The following CSMD1 variants were observed in gnomAD, a reference collection of about 807,000 sequenced individuals.
CSMD1 encodes the protein CUB and Sushi multiple domains 1.
CSMD1 carries 213 observed loss-of-function variants against 417.5 expected under a neutral mutation model. The ratio of observed to expected loss-of-function variants is 0.51; its 90% confidence interval spans 0.46 to 0.57. The LOEUF is 0.57. CSMD1 is among the 20% of genes least tolerant of loss of function. The pLI, the probability that CSMD1 is intolerant of heterozygous loss-of-function variation, is 0.00. For synonymous variants in CSMD1, 2,862 were observed against 1,736.8 expected (o/e 1.65, Z -16.11); for missense variants, 6,923 against 4,529.7 (o/e 1.53, Z -15.17).
intron 54 of CSMD1, among the ~76,000 whole-genome samples, chr8:2,985,919 G>A (rs1425437274): frequency 6.7e-6 from 1 of 148,378 alleles, no homozygotes; most frequent in East Asian, 2.0e-4. Context: ...AAGAAGGGAA[G>A]GGAAGGGGAG....
At chr8:4,161,935 T>A (rs544939462) in intron 3 of CSMD1, among the ~76,000 whole-genome samples, 2 of 152,330 alleles carry the variant, frequency 1.3e-5, no homozygotes, top group South Asian at 2.1e-4. Flanking sequence ...GTTTAAATAT[T>A]CAGTAAGTAT....
At chr8:4,831,121 G>C (rs553800609) in intron 1 of CSMD1, among the ~76,000 whole-genome samples, 1 of 152,154 alleles carries the variant, frequency 6.6e-6, no homozygotes, top group Non-Finnish European at 1.5e-5. Context: ...TAGGAAAAAA[G>C]AAACTGTAAA....
intron 25 of CSMD1, 43 bp downstream of exon 25, chr8:3,307,652 T>C (rs1351048049): frequency 6.3e-7 from 1 of 1,588,492 alleles, no homozygotes; most frequent in Non-Finnish European, 8.6e-7. Context: ...ATAGAAGGCA[T>C]ATCTCTTTTC....
chr8:3,411,679 TACGTGTATATATAC>T (rs1220422612), intron 12 of CSMD1, among the ~76,000 whole-genome samples: 9 of 68,792 alleles, frequency 1.3e-4, no homozygotes, highest in Admixed American at 1.1e-3. Context: ...CGTGTATATA[TACGTGTATATATAC>T]ACACGTATAT....
chr8:4,873,393 G>A lies in CSMD1; in HGVS notation c.85+120939C>T, dbSNP rs967125153. Reference sequence around the variant, plus strand: ...GATCAGCGATAGAGGAGAGACTCCCGGACACTCAGCAGGAAATCAACTAAG... The same window carrying A: ...GATCAGCGATAGAGGAGAGACTCCCAGACACTCAGCAGGAAATCAACTAAG... On this transcript the variant is annotated intron_variant, in intron 1 of 69. Transcript: ENST00000635120. Among the ~76,000 whole-genome samples, 12 of 152,136 alleles carry A rather than the reference G, an allele frequency of 7.9e-5. 1 individual carries two copies. The Middle Eastern group carries it at 0.014, about 172-fold the overall frequency.
Position 3,969,081 on chromosome 8 carries a change from T to A in CSMD1, c.818+28822A>T, listed in dbSNP as rs113018390. On this transcript the variant is annotated intron_variant, in intron 5 of 69. Coordinates refer to ENST00000635120, the MANE Select transcript of CSMD1 (RefSeq NM_033225.6). ...GCCTGGACAACATGGTGCAAGCACA[T>A]CTCTACTAAAAATACAAAAATTAGC... Among the ~76,000 whole-genome samples, 1,313 of 152,122 alleles carry A rather than the reference T, an allele frequency of 8.6e-3. 12 individuals are homozygous for A. The highest frequency in any genetic ancestry group is 0.014 in the Non-Finnish European group (954 of 68,002).
chr8:4,444,891 C>A (rs748950680), intron 2 of CSMD1, among the ~76,000 whole-genome samples: 1 of 152,190 alleles, frequency 6.6e-6, no homozygotes, highest in Non-Finnish European at 1.5e-5. Flanking sequence ...ATTGTTCAGA[C>A]TCTGACCTTG....
chr8:4,150,334 A>G lies in CSMD1; in HGVS notation c.416-118235T>C, dbSNP rs544113986. 6.6e-5 allele frequency among the ~76,000 whole-genome samples: 10 copies of G among 152,236 alleles called. No homozygotes were observed. In the South Asian group the frequency reaches 2.1e-3, roughly 32 times the overall value. The stretch of plus-strand genomic sequence containing the variant: ...TAGGAAGGACATCTCTAAATTCTCT[A>G]ACCCGTGCCATTCTAACTCAGTGTC... On this transcript the variant is annotated intron_variant, in intron 3 of 69. Coordinates refer to ENST00000635120, the MANE Select transcript of CSMD1 (RefSeq NM_033225.6).
intron 3 of CSMD1, among the ~76,000 whole-genome samples, chr8:4,087,315 G>A (rs557274728): frequency 9.9e-5 from 15 of 152,202 alleles, no homozygotes; most frequent in African/African-American, 3.4e-4. Context: ...TGATTTTCCA[G>A]GGACCATTCA....
chr8:3,038,824 C>G (rs11783760), intron 50 of CSMD1, among the ~76,000 whole-genome samples: 31,959 of 152,126 alleles, frequency 0.21, 4,057 homozygotes, highest in Non-Finnish European at 0.29. Context: ...GACCTTAAAC[C>G]TTAATGCTAT....
At chr8:3,903,927 TG>T (rs1419216537) in intron 5 of CSMD1, among the ~76,000 whole-genome samples, 1 of 152,116 alleles carries the variant, frequency 6.6e-6, no homozygotes, top group Non-Finnish European at 1.5e-5. Flanking sequence ...TGTACCTCTT[TG>T]GTTCACTATT....
chr8:3,970,849 T>A (rs57339387), intron 5 of CSMD1, among the ~76,000 whole-genome samples: 35,379 of 152,042 alleles, frequency 0.23, 4,470 homozygotes, highest in South Asian at 0.44. Context: ...CCTCCCGGGT[T>A]CACGCCATTC....
At chr8:3,996,625 TTTAAAG>T (rs1212254588) in intron 5 of CSMD1, among the ~76,000 whole-genome samples, 1 of 152,180 alleles carries the variant, frequency 6.6e-6, no homozygotes, top group East Asian at 1.9e-4. Flanking sequence ...TTCCTGAGTG[TTTAAAG>T]TTAAAGTCAT....
chr8:3,414,722 C>T (rs1046016003), intron 12 of CSMD1, among the ~76,000 whole-genome samples: 2 of 152,114 alleles, frequency 1.3e-5, no homozygotes, highest in African/African-American at 2.4e-5. Context: ...AGTTCTTTCC[C>T]GGTGTTTCAC....
At chr8:3,479,541 A>C (rs959453679) in intron 11 of CSMD1, among the ~76,000 whole-genome samples, 19 of 152,220 alleles carry the variant, frequency 1.2e-4, no homozygotes, top group African/African-American at 4.6e-4. Flanking sequence ...CGGCCCCCCA[A>C]AGTGCTGGGA....
chr8:3,754,017 G>T lies in CSMD1; in HGVS notation c.844C>A (p.Pro282Thr). 6.2e-7 allele frequency: 1 copy of T among 1,613,048 alleles called. No homozygotes were observed. Among genetic ancestry groups the T allele is most frequent in the Non-Finnish European group, 8.5e-7 (1 of 1,179,322 alleles). The change falls in exon 6 of 70, where the codon CCA (proline) becomes ACA (threonine). Residue 282 changes from proline to threonine, a missense_variant. Transcript: ENST00000635120. ...AGCCAATTCTTGCTACTGATAACTGGAGAGGGGAGGTTCATGCCAGTTAGC... is the reference window on the plus strand; with the variant it reads ...AGCCAATTCTTGCTACTGATAACTGTAGAGGGGAGGTTCATGCCAGTTAGC... The part of the protein sequence containing the change: ...IWLTGMNLPS[P>T]VISSKNWLRL...
chr8:4,758,796 G>C (rs780265418), intron 1 of CSMD1, among the ~76,000 whole-genome samples: 1 of 152,112 alleles, frequency 6.6e-6, no homozygotes, highest in African/African-American at 2.4e-5. Context: ...AACAGCATGG[G>C]AGAACCTTCC....
chr8:3,430,037 A>G (rs984703738), intron 12 of CSMD1, among the ~76,000 whole-genome samples: 5 of 152,224 alleles, frequency 3.3e-5, no homozygotes, highest in Admixed American at 6.5e-5. Context: ...AGGATAAATC[A>G]GAACAAAAAT....
At chr8:4,359,722 C>T (rs955021524) in intron 3 of CSMD1, among the ~76,000 whole-genome samples, 1 of 152,184 alleles carries the variant, frequency 6.6e-6, no homozygotes, top group Admixed American at 6.5e-5. Context: ...TAGACAGGAG[C>T]ACTGTGGCCT....
Sources: allele counts gnomAD v4.1 joint callset (sites outside exome capture counted in the v4.1 genomes callset), GRCh38; gene constraint gnomAD v4.1.1; transcripts MANE v1.5; gene names NCBI Gene and HGNC (gene_info 2026-07-23, HGNC 2026-07-21).